SLC9A9: variants seen among roughly 807,000 people sequenced by gnomAD.
SLC9A9 encodes solute carrier family 9 member A9.
SLC9A9 carries 62 observed loss-of-function variants against 77.8 expected under a neutral mutation model. The observed-to-expected ratio is 0.80, with a 90% confidence interval of 0.65 to 0.98. SLC9A9 has a LOEUF of 0.98. SLC9A9 is among the 50% of genes least tolerant of loss of function. The probability of loss-of-function intolerance (pLI) is 0.00; values close to 1 mark genes in which losing one functional copy is unlikely to be tolerated. For missense variants in SLC9A9, 775 were observed against 774.9 expected, an observed-to-expected ratio of 1.00 and a Z score of 0.00; for synonymous variants, 320 against 283.5, an observed-to-expected ratio of 1.13 and a Z score of -1.29.
chr3:143,555,542 G>A (rs962640060), intron 8 of SLC9A9, among the ~76,000 whole-genome samples: 1 of 152,120 alleles, frequency 6.6e-6, no homozygotes, highest in Non-Finnish European at 1.5e-5. Context: ...TTTACTCAAG[G>A]TCACCTCTAA....
intron 7 of SLC9A9, among the ~76,000 whole-genome samples, chr3:143,576,395 T>C (rs1342433200): frequency 4.6e-5 from 7 of 152,188 alleles, no homozygotes; most frequent in Admixed American, 1.3e-4. Flanking sequence ...ATTACTGATA[T>C]ATGATCCTGA....
At chr3:143,637,420 C>G (rs1428303822) in intron 6 of SLC9A9, among the ~76,000 whole-genome samples, 1 of 152,124 alleles carries the variant, frequency 6.6e-6, no homozygotes, top group Admixed American at 6.5e-5. Context: ...TTAACCCATT[C>G]AGACAAAAAT....
At chr3:143,557,181 G>T (rs56150550) in intron 8 of SLC9A9, among the ~76,000 whole-genome samples, 1 of 151,936 alleles carries the variant, frequency 6.6e-6, no homozygotes, top group African/African-American at 2.4e-5. Context: ...TGTGTCTGGC[G>T]TTTCCCCTGC....
At chr3:143,615,466 C>T (rs1321189699) in intron 6 of SLC9A9, among the ~76,000 whole-genome samples, 1 of 152,152 alleles carries the variant, frequency 6.6e-6, no homozygotes, top group African/African-American at 2.4e-5. Context: ...TGCCCATGCC[C>T]TTATGCCACT....
intron 6 of SLC9A9, among the ~76,000 whole-genome samples, chr3:143,641,024 A>G (rs1250201246): frequency 6.6e-6 from 1 of 152,210 alleles, no homozygotes; most frequent in Non-Finnish European, 1.5e-5. Context: ...TTCTCCCCAG[A>G]AACTGGAGAG....
Position 143,266,635 on chromosome 3 carries a change from C to T in SLC9A9, c.*67G>A, listed in dbSNP as rs1448943929. 1 of 1,531,374 alleles carries T rather than the reference C, an allele frequency of 6.5e-7. No individual in the cohort carries two copies. The highest frequency in any genetic ancestry group is 2.3e-5 in the East Asian group (1 of 44,372). 94.9% of individuals were successfully genotyped at this position (1,531,374 alleles called of 1,614,324 possible). A position where few individuals can be genotyped will look rare whatever the true frequency, so the allele number is the denominator to read the frequency against. ...CAGCCTCTCCCCTGTACTGCCTCAT[C>T]AGCTTGGCTTGTATTCCTCAGTGAG... On this transcript the variant is annotated 3_prime_UTR_variant, in exon 16 of 16. Transcript: ENST00000316549.
At chr3:143,684,425 G>T (rs1047809704) in intron 5 of SLC9A9, among the ~76,000 whole-genome samples, 1 of 152,008 alleles carries the variant, frequency 6.6e-6, no homozygotes, top group African/African-American at 2.4e-5. Flanking sequence ...TGGCTATGCA[G>T]GTTGTCTCCC....
rs142200217 is a variant in SLC9A9, at chr3:143,353,615, A to G, written c.1604+9869T>C. 2.9e-3 allele frequency among the ~76,000 whole-genome samples: 435 copies of G among 152,050 alleles called. 4 individuals are homozygous for G. Among genetic ancestry groups the G allele is most frequent in the African/African-American group, 0.01 (414 of 41,376 alleles). ...TTTGTTATAGCAGCCTGAACAAACT[A>G]AAAAAACACTTTTTTGCTCAGGACT... On this transcript the variant is annotated intron_variant, in intron 14 of 15. Coordinates refer to ENST00000316549, the MANE Select transcript of SLC9A9 (RefSeq NM_173653.4).
At chr3:143,405,026 C>T (rs1222403233) in intron 12 of SLC9A9, among the ~76,000 whole-genome samples, 1 of 152,166 alleles carries the variant, frequency 6.6e-6, no homozygotes, top group Non-Finnish European at 1.5e-5. Context: ...TCAAAACAGC[C>T]CCACTTTCAT....
intron 2 of SLC9A9, among the ~76,000 whole-genome samples, chr3:143,797,948 G>T (rs1241370773): frequency 6.6e-6 from 1 of 152,160 alleles, no homozygotes; most frequent in Non-Finnish European, 1.5e-5. Flanking sequence ...GAAATTTGGT[G>T]CCATGACTCG....
chr3:143,449,542 A>G lies in SLC9A9; in HGVS notation c.1469+17495T>C, dbSNP rs1158370866. 1.5e-4 allele frequency among the ~76,000 whole-genome samples: 8 copies of G among 54,048 alleles called. 3 individuals carry two copies. In the South Asian group the frequency reaches 4.6e-3, roughly 31 times the overall value. The allele number at this position is 54,048 out of a possible 152,430, so 35.5% of individuals were successfully genotyped here. ...TTATATAATTATATAAAATATAATT[A>G]TATAAAATAATTATATAAAATATAA... On this transcript the variant is annotated intron_variant, in intron 12 of 15. Coordinates refer to ENST00000316549, the MANE Select transcript of SLC9A9 (RefSeq NM_173653.4).
At chr3:143,398,297 T>C (rs577769636) in intron 12 of SLC9A9, among the ~76,000 whole-genome samples, 7 of 152,228 alleles carry the variant, frequency 4.6e-5, no homozygotes, top group Admixed American at 2.6e-4. Context: ...GGAGAGGTAA[T>C]ATTTGAGCTT....
intron 11 of SLC9A9, among the ~76,000 whole-genome samples, chr3:143,483,472 A>T (rs2035606085): frequency 6.6e-6 from 1 of 152,102 alleles, no homozygotes; most frequent in African/African-American, 2.4e-5. Flanking sequence ...TCTTTCTTAA[A>T]CTGTCACCTC....
chr3:143,453,604 T>C (rs1389316961), intron 12 of SLC9A9, among the ~76,000 whole-genome samples: 1 of 152,188 alleles, frequency 6.6e-6, no homozygotes, highest in African/African-American at 2.4e-5. Context: ...GCTCTCTCTA[T>C]ATAAATAATT....
intron 6 of SLC9A9, among the ~76,000 whole-genome samples, chr3:143,648,014 CAG>C (rs1346173691): frequency 6.6e-6 from 1 of 151,914 alleles, no homozygotes; most frequent in Non-Finnish European, 1.5e-5. Flanking sequence ...TTAATAAAAC[CAG>C]AGAGATCTCT....
chr3:143,722,163 T>A (rs144387481), intron 4 of SLC9A9, among the ~76,000 whole-genome samples: 1 of 152,230 alleles, frequency 6.6e-6, no homozygotes, highest in Non-Finnish European at 1.5e-5. Flanking sequence ...ATCCAGTAGT[T>A]TTTTTGCAGG....
intron 14 of SLC9A9, among the ~76,000 whole-genome samples, chr3:143,277,167 G>T (rs528544628): frequency 6.6e-6 from 1 of 152,196 alleles, no homozygotes; most frequent in South Asian, 2.1e-4. Context: ...CTTAAGTAGG[G>T]CAGATGGACA....
intron 14 of SLC9A9, among the ~76,000 whole-genome samples, chr3:143,295,690 A>G (rs770340336): frequency 2.0e-5 from 3 of 152,152 alleles, no homozygotes; most frequent in South Asian, 2.1e-4. Context: ...GCTAACCTTT[A>G]TCATCACCTA....
intron 4 of SLC9A9, among the ~76,000 whole-genome samples, chr3:143,762,280 T>G (rs2007158153): frequency 6.6e-6 from 1 of 152,188 alleles, no homozygotes; most frequent in Non-Finnish European, 1.5e-5. Context: ...ACATGGCACA[T>G]GTATACATAT....
Sources: gnomAD v4.1 joint callset for allele counts (sites outside exome capture counted in the v4.1 genomes callset) on GRCh38, gnomAD v4.1.1 for gene constraint, MANE v1.5 for transcripts, NCBI Gene and HGNC (gene_info 2026-07-23, HGNC 2026-07-21) for gene names.